SERPINI2: variants seen among roughly 807,000 people sequenced by gnomAD.
SERPINI2 encodes serpin I2.
SERPINI2 carries 48 observed loss-of-function variants against 47.3 expected under a neutral mutation model. The observed-to-expected ratio is 1.02, with a 90% CI of 0.81 to 1.29. SERPINI2 has a LOEUF of 1.29. Ranked by LOEUF, SERPINI2 falls within the 50% of genes most tolerant of loss-of-function variation. The pLI is 0.00. For missense variants in SERPINI2, 448 were observed against 456.9 expected (o/e 0.98, Z 0.18); for synonymous variants, 135 against 149.3 (o/e 0.90, Z 0.70).
chr3:167,475,750 T>A (rs1237778462), upstream of SERPINI2, among the ~76,000 whole-genome samples: 1 of 150,344 alleles, frequency 6.7e-6, no homozygotes, highest in African/African-American at 2.4e-5. Flanking sequence ...TATTCATTAA[T>A]GAGAGCCAAC....
chr3:167,469,562 C>T (rs1750246709), intron 2 of SERPINI2: 1 of 152,078 alleles, frequency 6.6e-6, no homozygotes, highest in South Asian at 2.1e-4. Context: ...GAATTCATGC[C>T]CAGTTCTCTT....
At chr3:167,451,645 C>A (rs143196010) in intron 6 of SERPINI2, among the ~76,000 whole-genome samples, 3 of 152,254 alleles carry the variant, frequency 2.0e-5, no homozygotes, top group Admixed American at 6.5e-5. Flanking sequence ...TGAATAAAGT[C>A]TTTTATGAAA....
chr3:167,442,317 T>C, intron 8 of SERPINI2, 132 bp from the exon 9 acceptor site: 2 of 536,850 alleles, frequency 3.7e-6, no homozygotes, highest in Non-Finnish European at 3.2e-6. Context: ...CAGTGTCTAA[T>C]AGCAAAGCCT....
intron 5 of SERPINI2, among the ~76,000 whole-genome samples, chr3:167,464,074 G>A (rs146170367): frequency 0.032 from 4,632 of 145,338 alleles, 238 homozygotes; most frequent in African/African-American, 0.11. Context: ...GTGCAGTGGC[G>A]CAGTCTCAGC....
upstream of SERPINI2, among the ~76,000 whole-genome samples, chr3:167,475,285 A>T (rs986618324): frequency 2.0e-5 from 3 of 151,828 alleles, no homozygotes; most frequent in Admixed American, 6.6e-5. Context: ...ACTGCAATAC[A>T]TAAATATTAA....
intron 1 of SERPINI2, 93 bp from the exon 2 acceptor site, chr3:167,471,937 T>C: frequency 1.1e-6 from 1 of 901,534 alleles, no homozygotes; most frequent in Non-Finnish European, 1.7e-6. Context: ...TAGCTTTCTA[T>C]CTTAATAGAA....
exon 9 of SERPINI2, chr3:167,442,014 C>T (rs1749342549): frequency 2.2e-6 from 2 of 908,046 alleles, no homozygotes; most frequent in Admixed American, 3.1e-5. Context: ...ACAGAAAAGA[C>T]ATAAGATATA....
At chr3:167,469,095 A>G (rs931542333) in intron 2 of SERPINI2, among the ~76,000 whole-genome samples, 2 of 152,228 alleles carry the variant, frequency 1.3e-5, no homozygotes, top group Non-Finnish European at 2.9e-5. Context: ...AGTTTGGAGA[A>G]GAATATAACA....
chr3:167,446,213 C>G (rs1468003298), intron 8 of SERPINI2, among the ~76,000 whole-genome samples, 179 bp downstream of exon 8: 8 of 152,078 alleles, frequency 5.3e-5, no homozygotes, highest in African/African-American at 1.7e-4. Context: ...GCCATTATTA[C>G]CACTGCCCTA....
chr3:167,442,227 G>T, intron 8 of SERPINI2, 42 bp from the exon 9 acceptor site: 1 of 1,398,988 alleles, frequency 7.1e-7, no homozygotes, highest in South Asian at 1.3e-5. Flanking sequence ...AGGAATTTCA[G>T]GAGAAAACAA....
chr3:167,453,609 G>A (rs1749702106), intron 5 of SERPINI2, among the ~76,000 whole-genome samples: 1 of 150,940 alleles, frequency 6.6e-6, no homozygotes, highest in Non-Finnish European at 1.5e-5. Flanking sequence ...TAAAGGAAGG[G>A]GAACCAGATT....
chr3:167,475,257 T>G (rs1750452244), upstream of SERPINI2, among the ~76,000 whole-genome samples: 1 of 151,816 alleles, frequency 6.6e-6, no homozygotes, highest in African/African-American at 2.4e-5. Context: ...AAGAATACTA[T>G]CATTCTACTT....
chr3:167,470,817 G>A (rs1373173147), intron 2 of SERPINI2, among the ~76,000 whole-genome samples: 1 of 151,872 alleles, frequency 6.6e-6, no homozygotes, highest in African/African-American at 2.4e-5. Context: ...TTACATGTGT[G>A]AGCCACCACA....
At chr3:167,453,518 C>T (rs1273444728) in intron 5 of SERPINI2, among the ~76,000 whole-genome samples, 2 of 152,128 alleles carry the variant, frequency 1.3e-5, no homozygotes, top group Admixed American at 6.5e-5. Context: ...CATCATTCAT[C>T]TCGCCCATTG....
chr3:167,455,230 CATGA>C (rs1242618965), intron 5 of SERPINI2, among the ~76,000 whole-genome samples: 4 of 152,142 alleles, frequency 2.6e-5, no homozygotes, highest in Admixed American at 1.3e-4. Flanking sequence ...GCAACTAAAT[CATGA>C]ATGGAATTTT....
At chr3:167,471,560 T>A (rs753528737) in intron 2 of SERPINI2, 28 bp downstream of exon 2, 1 of 1,606,386 alleles carries the variant, frequency 6.2e-7, no homozygotes, top group Non-Finnish European at 8.5e-7. Context: ...TCTTATCCAG[T>A]ATAAGTAAGG....
At chr3:167,472,383 A>G (rs1750356106) in intron 1 of SERPINI2, among the ~76,000 whole-genome samples, 1 of 152,018 alleles carries the variant, frequency 6.6e-6, no homozygotes, top group African/African-American at 2.4e-5. Flanking sequence ...TTTATTTCTT[A>G]GGACAAAATA....
chr3:167,476,442 T>A (rs767923635), upstream of SERPINI2, among the ~76,000 whole-genome samples: 2 of 126,368 alleles, frequency 1.6e-5, no homozygotes, highest in Non-Finnish European at 3.8e-5. Context: ...GAGACAGCTC[T>A]TCTTAATTCC....
At chr3:167,458,558 G>A (rs1017374224) in intron 5 of SERPINI2, among the ~76,000 whole-genome samples, 3 of 151,934 alleles carry the variant, frequency 2.0e-5, no homozygotes, top group East Asian at 1.9e-4. Flanking sequence ...CACCGCTCCC[G>A]GCTGTCTTAG....
Sources: allele counts gnomAD v4.1 joint callset (sites outside exome capture counted in the v4.1 genomes callset), GRCh38; gene constraint gnomAD v4.1.1; transcripts MANE v1.5; gene names NCBI Gene and HGNC (gene_info 2026-07-23, HGNC 2026-07-21).